The following PIBF1 variants were observed in gnomAD, a reference collection of about 807,000 sequenced individuals.
PIBF1 encodes progesterone-induced-blocking factor 1.
Under a neutral mutation model 112.5 loss-of-function variants are expected in PIBF1, and 90 were observed. That is an observed-to-expected ratio of 0.80 (90% CI 0.67 to 0.95). The LOEUF (loss-of-function observed/expected upper bound fraction) is 0.95, where lower values mean the gene tolerates loss of function less well. PIBF1 is among the 40% of genes least tolerant of loss of function. The pLI, the probability that PIBF1 is intolerant of heterozygous loss-of-function variation, is 0.00. For synonymous variants in PIBF1, 301 were observed against 288.6 expected, an observed-to-expected ratio of 1.04 and a Z score of -0.44; for missense variants, 915 against 852.3, an observed-to-expected ratio of 1.07 and a Z score of -0.92.
intron 17 of PIBF1, among the ~76,000 whole-genome samples, chr13:73,008,957 T>G (rs2044117051): frequency 6.6e-6 from 1 of 152,150 alleles, no homozygotes; most frequent in East Asian, 1.9e-4. Context: ...CTTTAGCAAA[T>G]TGTTCAGTCT....
chr13:72,860,286 G>A (rs376171967), intron 10 of PIBF1, among the ~76,000 whole-genome samples: 9 of 148,374 alleles, frequency 6.1e-5, no homozygotes, highest in Non-Finnish European at 8.9e-5. Flanking sequence ...TCTGTAGTTC[G>A]CTTTCCCTGT....
intron 16 of PIBF1, among the ~76,000 whole-genome samples, chr13:72,995,943 C>A: frequency 7.8e-6 from 1 of 128,406 alleles, no homozygotes; most frequent in Non-Finnish European, 1.7e-5. Context: ...AGCGAGACTC[C>A]ATCTCAAAAA....
intron 10 of PIBF1, among the ~76,000 whole-genome samples, chr13:72,892,550 C>CTAATATAAAATTGGGCT (rs1170486760): frequency 6.6e-6 from 1 of 152,008 alleles, no homozygotes; most frequent in African/African-American, 2.4e-5. Context: ...GCTGTGAAGT[C>CTAATATAAAATTGGGCT]TAATATAAAA....
chr13:72,898,225 A>G (rs1224284843), intron 11 of PIBF1, among the ~76,000 whole-genome samples: 1 of 152,138 alleles, frequency 6.6e-6, no homozygotes, highest in Non-Finnish European at 1.5e-5. Flanking sequence ...CAGGTCAAAA[A>G]TGAAATCAAG....
chr13:72,848,124 GTT>G (rs2037954754), intron 9 of PIBF1, among the ~76,000 whole-genome samples: 1 of 152,058 alleles, frequency 6.6e-6, no homozygotes, highest in African/African-American at 2.4e-5. Context: ...GTTTGTTTTT[GTT>G]TTTGTTTTTT....
At chr13:72,798,246 T>G (rs2035294168) in intron 5 of PIBF1, among the ~76,000 whole-genome samples, 1 of 152,204 alleles carries the variant, frequency 6.6e-6, no homozygotes, top group African/African-American at 2.4e-5. Context: ...TAGTTGAGCT[T>G]TTATTGTTGC....
intron 14 of PIBF1, among the ~76,000 whole-genome samples, chr13:72,933,711 G>A (rs1398854087): frequency 1.3e-5 from 2 of 152,126 alleles, no homozygotes; most frequent in Non-Finnish European, 2.9e-5. Context: ...TCTATAAATT[G>A]TTGGGAGAAA....
chr13:72,943,370 AG>A (rs1158746799), intron 14 of PIBF1, among the ~76,000 whole-genome samples: 1 of 152,260 alleles, frequency 6.6e-6, no homozygotes. Context: ...CCTAATACAA[AG>A]AAATGACAAA....
At chr13:72,830,796 G>A (rs1375503936) in intron 8 of PIBF1, among the ~76,000 whole-genome samples, 5 of 152,120 alleles carry the variant, frequency 3.3e-5, no homozygotes, top group Admixed American at 1.3e-4. Context: ...CATAAAATGA[G>A]TTAGGGAGGA....
chr13:73,013,169 C>T (rs1333028365), intron 17 of PIBF1, among the ~76,000 whole-genome samples: 6 of 151,256 alleles, frequency 4.0e-5, no homozygotes, highest in Admixed American at 1.3e-4. Context: ...GGCGTGGTGG[C>T]GGGCACCTGT....
At chr13:72,971,817 C>T (rs2042899006) in intron 15 of PIBF1, among the ~76,000 whole-genome samples, 2 of 152,130 alleles carry the variant, frequency 1.3e-5, no homozygotes, top group South Asian at 4.2e-4. Flanking sequence ...GTCAAAATTG[C>T]ATCTAGTCCG....
intron 16 of PIBF1, among the ~76,000 whole-genome samples, chr13:72,989,769 G>A (rs955597907): frequency 2.6e-5 from 4 of 152,104 alleles, no homozygotes; most frequent in African/African-American, 9.7e-5. Context: ...TGAACTGTGT[G>A]GTATGTGAAT....
In PIBF1 at chr13:72,966,175, A is replaced by G. The variant is rs142797575; in HGVS notation, c.1964+771A>G. 3.3e-5 allele frequency among the ~76,000 whole-genome samples: 5 copies of G among 152,100 alleles called. No homozygotes were observed. In the East Asian group the frequency reaches 7.7e-4, roughly 23 times the overall value. ...GGTTAAATCAAGGAATTGGAAAACAATAAGGAGAAGATGGTTGTTAAATCC... is the reference window on the plus strand; with the variant it reads ...GGTTAAATCAAGGAATTGGAAAACAGTAAGGAGAAGATGGTTGTTAAATCC... On this transcript the variant is annotated intron_variant, in intron 15 of 17. Coordinates refer to ENST00000326291, the MANE Select transcript of PIBF1 (RefSeq NM_006346.4).
intron 16 of PIBF1, among the ~76,000 whole-genome samples, chr13:72,994,627 T>C (rs2043588864): frequency 6.6e-6 from 1 of 152,016 alleles, no homozygotes; most frequent in Admixed American, 6.6e-5. Context: ...AAGAGGAAAG[T>C]AGAATCAAAA....
intron 16 of PIBF1, among the ~76,000 whole-genome samples, chr13:72,987,366 A>G (rs940840184): frequency 1.3e-5 from 2 of 151,638 alleles, no homozygotes; most frequent in Admixed American, 6.6e-5. Flanking sequence ...GAGTAAGGAA[A>G]ACCTAGATTA....
chr13:72,975,605 A>G (rs1305465149), intron 16 of PIBF1, among the ~76,000 whole-genome samples: 1 of 152,146 alleles, frequency 6.6e-6, no homozygotes, highest in Non-Finnish European at 1.5e-5. Context: ...GTGATGGGTG[A>G]AAAGGATGAG....
intron 11 of PIBF1, among the ~76,000 whole-genome samples, chr13:72,904,536 G>A (rs1268981821): frequency 7.3e-6 from 1 of 137,438 alleles, no homozygotes; most frequent in Non-Finnish European, 1.5e-5. Context: ...CACCTCCCAG[G>A]TTCAAGCGAT....
chr13:73,015,798 G>A (rs1379013794), intron 17 of PIBF1, 71 bp from the exon 18 acceptor site: 2 of 847,276 alleles, frequency 2.4e-6, no homozygotes, highest in Non-Finnish European at 3.6e-6. Flanking sequence ...AATGTATATA[G>A]TTCTCTGAGT....
At chr13:72,995,200 A>T (rs575865407) in intron 16 of PIBF1, among the ~76,000 whole-genome samples, 1 of 151,740 alleles carries the variant, frequency 6.6e-6, no homozygotes, top group Non-Finnish European at 1.5e-5. Flanking sequence ...TACTTGGGAG[A>T]CTGAAGCAGA....
Sources: allele counts gnomAD v4.1 joint callset (sites outside exome capture counted in the v4.1 genomes callset), GRCh38; gene constraint gnomAD v4.1.1; transcripts MANE v1.5; gene names NCBI Gene and HGNC (gene_info 2026-07-23, HGNC 2026-07-21).